Variants in EHBP1 observed in about 807,000 individuals in gnomAD.
The protein encoded by EHBP1 is EH domain-binding protein 1.
Under a neutral mutation model 144.0 loss-of-function variants are expected in EHBP1, and 55 were observed. The ratio of observed to expected loss-of-function variants is 0.38; its 90% CI spans 0.31 to 0.48. The LOEUF is 0.48. EHBP1 is among the 20% of genes least tolerant of loss of function. The pLI, the probability that EHBP1 is intolerant of heterozygous loss-of-function variation, is 0.98. For missense variants in EHBP1, 1,200 were observed against 1,364.2 expected (o/e 0.88, Z 1.90); for synonymous variants, 469 against 472.7 (o/e 0.99, Z 0.10).
intron 16 of EHBP1, among the ~76,000 whole-genome samples, chr2:62,991,545 G>A (rs1479891515): frequency 6.6e-6 from 1 of 152,104 alleles, no homozygotes; most frequent in Non-Finnish European, 1.5e-5. Flanking sequence ...CCTGAAAATG[G>A]TAATGTGATT....
At chr2:62,953,351 A>G (rs1172123827) in intron 13 of EHBP1, among the ~76,000 whole-genome samples, 2 of 151,850 alleles carry the variant, frequency 1.3e-5, no homozygotes, top group African/African-American at 4.8e-5. Flanking sequence ...TAACTAACGT[A>G]TGATGCATCT....
At chr2:62,807,375 C>T (rs2044600796) in intron 5 of EHBP1, among the ~76,000 whole-genome samples, 1 of 152,072 alleles carries the variant, frequency 6.6e-6, no homozygotes, top group South Asian at 2.1e-4. Context: ...CGGAGAAACC[C>T]CCATCTCTAC....
At chr2:62,727,104 G>C (rs1385352500) in intron 2 of EHBP1, among the ~76,000 whole-genome samples, 2 of 152,034 alleles carry the variant, frequency 1.3e-5, no homozygotes, top group African/African-American at 4.8e-5. Flanking sequence ...CTTGTGATCC[G>C]CCCGCCTTGG....
intron 12 of EHBP1, among the ~76,000 whole-genome samples, chr2:62,944,236 T>C (rs1050120475): frequency 6.6e-6 from 1 of 152,196 alleles, no homozygotes; most frequent in Admixed American, 6.5e-5. Flanking sequence ...CAAGAGAGAA[T>C]ACTTAGGTTC....
chr2:62,744,040 T>C (rs1185221510), intron 2 of EHBP1, among the ~76,000 whole-genome samples: 1 of 152,152 alleles, frequency 6.6e-6, no homozygotes, highest in Non-Finnish European at 1.5e-5. Flanking sequence ...TATTTTTAAA[T>C]GCACAATTTC....
chr2:62,763,235 A>G (rs1448348420), intron 3 of EHBP1, among the ~76,000 whole-genome samples: 2 of 151,806 alleles, frequency 1.3e-5, no homozygotes, highest in East Asian at 3.9e-4. Context: ...TTTTTTCACT[A>G]CAGCACTTAC....
At chr2:62,739,595 A>G (rs755297827) in intron 2 of EHBP1, among the ~76,000 whole-genome samples, 1 of 152,136 alleles carries the variant, frequency 6.6e-6, no homozygotes, top group Non-Finnish European at 1.5e-5. Context: ...AATATTGCAC[A>G]CATATACAGC....
intron 9 of EHBP1, among the ~76,000 whole-genome samples, chr2:62,871,695 C>CT (rs1218730849): frequency 6.6e-6 from 1 of 152,194 alleles, no homozygotes; most frequent in Non-Finnish European, 1.5e-5. Flanking sequence ...CCTGTATACT[C>CT]TGACATTAAA....
chr2:62,909,402 C>G (rs1237867037), intron 10 of EHBP1, among the ~76,000 whole-genome samples: 1 of 152,192 alleles, frequency 6.6e-6, no homozygotes, highest in Non-Finnish European at 1.5e-5. Flanking sequence ...AGGCTGGTCT[C>G]GAACTTCTAG....
intron 5 of EHBP1, among the ~76,000 whole-genome samples, chr2:62,808,503 C>T (rs952673895): frequency 1.3e-5 from 2 of 152,066 alleles, no homozygotes; most frequent in Non-Finnish European, 2.9e-5. Flanking sequence ...CTTAGATTTC[C>T]ATCACTCTGG....
intron 3 of EHBP1, among the ~76,000 whole-genome samples, chr2:62,748,488 TACAAAAACAAAA>T (rs972734784): frequency 6.6e-6 from 1 of 151,904 alleles, no homozygotes; most frequent in African/African-American, 2.4e-5. Context: ...ACCCCATATC[TACAAAAACAAAA>T]ACAAAAACAA....
intron 5 of EHBP1, among the ~76,000 whole-genome samples, chr2:62,794,630 A>T (rs974125457): frequency 2.6e-5 from 4 of 151,938 alleles, no homozygotes; most frequent in Middle Eastern, 3.2e-3. Flanking sequence ...TATGTTTTTT[A>T]AAAAAGTCTC....
intron 10 of EHBP1, among the ~76,000 whole-genome samples, chr2:62,895,832 G>A (rs1573948650): frequency 2.0e-5 from 3 of 152,292 alleles, no homozygotes; most frequent in South Asian, 2.1e-4. Context: ...GAAAAAAGAA[G>A]AATAAGAGTC....
chr2:62,986,894 G>A lies in EHBP1; in HGVS notation c.2609-3822G>A, dbSNP rs1002874847. Among the ~76,000 whole-genome samples, 142 of 152,042 alleles carry A rather than the reference G, an allele frequency of 9.3e-4. 2 individuals carry two copies. Among genetic ancestry groups the A allele is most frequent in the Middle Eastern group, 3.4e-3 (1 of 294 alleles). On this transcript the variant is annotated intron_variant, in intron 15 of 22. Coordinates refer to ENST00000431489, the MANE Select transcript of EHBP1 (RefSeq NM_001142616.3). ...CCTAAGGATGTACTTTTTCAGAAAG[G>A]GACAGATGTTGAGGGATTAAGCCAA...
intron 5 of EHBP1, among the ~76,000 whole-genome samples, chr2:62,813,328 G>C (rs980377102): frequency 6.6e-6 from 1 of 152,220 alleles, no homozygotes; most frequent in African/African-American, 2.4e-5. Flanking sequence ...AACTTTGGGG[G>C]CATGGATACC....
chr2:62,689,125 G>C (rs2033817665), intron 1 of EHBP1, among the ~76,000 whole-genome samples: 1 of 152,182 alleles, frequency 6.6e-6, no homozygotes. Flanking sequence ...AACTTTCAAA[G>C]CCTATAGTTA....
intron 14 of EHBP1, among the ~76,000 whole-genome samples, chr2:62,977,491 A>T (rs1302059187): frequency 1.3e-5 from 2 of 152,110 alleles, no homozygotes; most frequent in African/African-American, 2.4e-5. Context: ...CTTGAAATCC[A>T]TGATGGTATG....
Position 62,707,063 on chromosome 2 carries a change from G to A in EHBP1, c.-129G>A. The A allele has an allele frequency of 1.5e-6, 1 of 666,658 alleles. No homozygotes were observed. Among genetic ancestry groups the A allele is most frequent in the Admixed American group, 2.2e-5 (1 of 44,636 alleles). The allele number at this position is 666,658 out of a possible 1,614,324, so 41.3% of individuals were successfully genotyped here. ...CAGGGAGAAGACTTATGGACCCCAA[G>A]CATCATTTCGAGTTGTAGTTGAGTT... On this transcript the variant is annotated 5_prime_UTR_variant, in exon 2 of 23. Transcript: ENST00000431489.
At chr2:62,877,133 A>G (rs1295407615) in intron 10 of EHBP1, among the ~76,000 whole-genome samples, 2 of 152,198 alleles carry the variant, frequency 1.3e-5, no homozygotes, top group African/African-American at 2.4e-5. Flanking sequence ...ATTGACACCC[A>G]TAGGCCCAAA....
Sources: gnomAD v4.1 joint callset for allele counts (sites outside exome capture counted in the v4.1 genomes callset) on GRCh38, gnomAD v4.1.1 for gene constraint, MANE v1.5 for transcripts, NCBI Gene and HGNC (gene_info 2026-07-23, HGNC 2026-07-21) for gene names.